SLC8A1: variants seen among roughly 807,000 people sequenced by gnomAD.
SLC8A1 encodes the protein solute carrier family 8 member A1, also known as sodium/calcium exchanger 1.
Under a neutral mutation model 68.3 loss-of-function variants are expected in SLC8A1, and 18 were observed. That is an observed-to-expected ratio of 0.26 (90% CI 0.18 to 0.39). SLC8A1 has a LOEUF of 0.39. Ranked by LOEUF, SLC8A1 falls within the 10% of genes least tolerant of loss-of-function variation. The pLI, the probability that SLC8A1 is intolerant of heterozygous loss-of-function variation, is 1.00. For missense variants in SLC8A1, 985 were observed against 1,156.7 expected (o/e 0.85, Z 2.15); for synonymous variants, 475 against 415.5 (o/e 1.14, Z -1.74).
intron 1 of SLC8A1, among the ~76,000 whole-genome samples, chr2:40,511,382 T>A (rs1461582659): frequency 6.6e-6 from 1 of 152,188 alleles, no homozygotes; most frequent in African/African-American, 2.4e-5. Context: ...TTCACAGACT[T>A]TGCTAACAAT....
At chr2:40,200,250 A>ATT (rs1328357802) in intron 2 of SLC8A1, among the ~76,000 whole-genome samples, 3 of 15,358 alleles carry the variant, frequency 2.0e-4, no homozygotes, top group African/African-American at 4.0e-4. Context: ...ATATATATAT[A>ATT]TATATATATA....
intron 2 of SLC8A1, among the ~76,000 whole-genome samples, chr2:40,425,737 T>C (rs1696685160): frequency 1.3e-5 from 2 of 151,842 alleles, no homozygotes; most frequent in African/African-American, 4.8e-5. Context: ...CATTGCACGA[T>C]GACAAACTCT....
intron 2 of SLC8A1, among the ~76,000 whole-genome samples, chr2:40,328,515 T>C (rs537436123): frequency 1.3e-5 from 2 of 152,306 alleles, no homozygotes; most frequent in Admixed American, 1.3e-4. Flanking sequence ...ATGACTTAGC[T>C]CTTGTCATTA....
chr2:40,207,731 G>C (rs2055745268), intron 2 of SLC8A1, among the ~76,000 whole-genome samples: 1 of 152,074 alleles, frequency 6.6e-6, no homozygotes, highest in South Asian at 2.1e-4. Context: ...ATGTCTTCTG[G>C]AATATTTGGT....
At chr2:40,235,119 G>T (rs1489003057) in intron 2 of SLC8A1, among the ~76,000 whole-genome samples, 1 of 152,094 alleles carries the variant, frequency 6.6e-6, no homozygotes, top group Non-Finnish European at 1.5e-5. Context: ...TTCATAAAAT[G>T]AGTTAGGGAG....
At chr2:40,350,793 G>T (rs1449154467) in intron 2 of SLC8A1, among the ~76,000 whole-genome samples, 1 of 151,904 alleles carries the variant, frequency 6.6e-6, no homozygotes, top group East Asian at 1.9e-4. Context: ...TTTTTTGAGT[G>T]CCTAGAATGA....
At chr2:40,346,672 G>C (rs1435904174) in intron 2 of SLC8A1, among the ~76,000 whole-genome samples, 3 of 152,110 alleles carry the variant, frequency 2.0e-5, no homozygotes. Flanking sequence ...AAGGCAGAGA[G>C]GGGAAAAAGT....
Position 40,254,943 on chromosome 2 carries a change from G to C in SLC8A1, c.1809-77088C>G, listed in dbSNP as rs1465039340. The C allele has an allele frequency of 2.6e-5, 4 of 151,914 alleles. No homozygotes were observed. In the South Asian group the frequency reaches 6.2e-4, roughly 24 times the overall value. The allele number at this position is 151,914 out of a possible 1,614,324, so 9.4% of individuals were successfully genotyped here. On this transcript the variant is annotated intron_variant, in intron 2 of 7. Transcript: ENST00000406785. ...TTAATTATAAAAACAGTATAGGATT[G>C]AGCCCTGTCACTGAGTCTTCCATTC...
intron 2 of SLC8A1, among the ~76,000 whole-genome samples, chr2:40,218,740 C>A (rs1303882700): frequency 6.9e-6 from 1 of 144,172 alleles, no homozygotes; most frequent in Non-Finnish European, 1.6e-5. Context: ...AAAAAAAAAA[C>A]TAATTAACAT....
chr2:40,403,061 G>T (rs983994410), intron 2 of SLC8A1, among the ~76,000 whole-genome samples: 1 of 152,076 alleles, frequency 6.6e-6, no homozygotes, highest in African/African-American at 2.4e-5. Flanking sequence ...TAAGATGTAG[G>T]CTATATGCAC....
intron 2 of SLC8A1, among the ~76,000 whole-genome samples, chr2:40,347,851 A>T (rs1669837766): frequency 6.6e-6 from 1 of 152,204 alleles, no homozygotes; most frequent in African/African-American, 2.4e-5. Context: ...TTCATCTTGA[A>T]ATCAACCATA....
chr2:40,506,330 AG>A (rs1559778873), intron 1 of SLC8A1, among the ~76,000 whole-genome samples: 2 of 151,912 alleles, frequency 1.3e-5, no homozygotes, highest in Non-Finnish European at 2.9e-5. Flanking sequence ...TGGATTATTG[AG>A]AAGAAAAAAC....
At position 40,246,695 on chromosome 2, in the gene SLC8A1, G is replaced by T. The variant is rs2061913494; in HGVS notation, c.1809-68840C>A. Among the ~76,000 whole-genome samples the T allele has an allele frequency of 6.6e-5, 10 of 152,158 alleles. No individual in the cohort carries two copies. The South Asian group carries it at 2.1e-3, about 32-fold the overall frequency. ...ACTTCATTAATTCCAGAAGATGGAT[G>T]GTGAAGTCATATTGCTTTGATATGC... On this transcript the variant is annotated intron_variant, in intron 2 of 7. Coordinates refer to ENST00000406785, the Ensembl canonical transcript of SLC8A1.
chr2:40,334,741 G>A (rs781130857), intron 2 of SLC8A1, among the ~76,000 whole-genome samples: 1 of 152,090 alleles, frequency 6.6e-6, no homozygotes, highest in Non-Finnish European at 1.5e-5. Flanking sequence ...GCTATTTTCA[G>A]GCAGGCAATA....
At chr2:40,116,310 A>C (rs1348108914) in intron 7 of SLC8A1, among the ~76,000 whole-genome samples, 2 of 152,038 alleles carry the variant, frequency 1.3e-5, no homozygotes, top group African/African-American at 4.8e-5. Context: ...GTACTTTTTT[A>C]TTATTATTTT....
At chr2:40,439,177 G>T (rs1011003676) in intron 1 of SLC8A1, among the ~76,000 whole-genome samples, 1 of 151,968 alleles carries the variant, frequency 6.6e-6, no homozygotes, top group Non-Finnish European at 1.5e-5. Context: ...AGCACTGGAG[G>T]TAATATAAAG....
chr2:40,275,402 A>C (rs2066573277), intron 2 of SLC8A1, among the ~76,000 whole-genome samples: 1 of 152,194 alleles, frequency 6.6e-6, no homozygotes, highest in Non-Finnish European at 1.5e-5. Context: ...TTGAACCTTA[A>C]ATGAGTATAT....
At chr2:40,328,369 T>A (rs2076064461) in intron 2 of SLC8A1, among the ~76,000 whole-genome samples, 1 of 152,152 alleles carries the variant, frequency 6.6e-6, no homozygotes, top group South Asian at 2.1e-4. Context: ...TGGAGGTTTA[T>A]CTCCTCTGCC....
intron 2 of SLC8A1, among the ~76,000 whole-genome samples, chr2:40,301,289 C>CTGAAGT (rs1166388481): frequency 6.6e-6 from 1 of 152,154 alleles, no homozygotes; most frequent in African/African-American, 2.4e-5. Flanking sequence ...CATAAAGAAA[C>CTGAAGT]TGAAGTTGAA....
Sources: allele counts gnomAD v4.1 joint callset (sites outside exome capture counted in the v4.1 genomes callset), GRCh38; gene constraint gnomAD v4.1.1; transcripts MANE v1.5; gene names NCBI Gene and HGNC (gene_info 2026-07-23, HGNC 2026-07-21).